Variants in CSMD1 observed in about 807,000 individuals in gnomAD.
The protein encoded by CSMD1 is CUB and Sushi multiple domains 1.
Under a neutral mutation model 417.5 loss-of-function variants are expected in CSMD1, and 213 were observed. That is an observed-to-expected ratio of 0.51 (90% CI 0.46 to 0.57). CSMD1 has a LOEUF of 0.57. CSMD1 is among the 20% of genes least tolerant of loss of function. CSMD1 has a pLI of 0.00. For synonymous variants in CSMD1, 2,862 were observed against 1,736.8 expected (o/e 1.65, Z -16.11); for missense variants, 6,923 against 4,529.7 (o/e 1.53, Z -15.17).
At chr8:3,768,558 C>G (rs555612407) in intron 5 of CSMD1, among the ~76,000 whole-genome samples, 1 of 152,250 alleles carries the variant, frequency 6.6e-6, no homozygotes, top group Non-Finnish European at 1.5e-5. Context: ...TCAGACACTG[C>G]TAAACAGAAA....
chr8:4,819,855 G>A (rs1799419889), intron 1 of CSMD1, among the ~76,000 whole-genome samples: 1 of 152,128 alleles, frequency 6.6e-6, no homozygotes, highest in South Asian at 2.1e-4. Flanking sequence ...CGAGTGTAGG[G>A]AACCCTTCTC....
intron 1 of CSMD1, among the ~76,000 whole-genome samples, chr8:4,831,440 G>A (rs970142882): frequency 6.6e-6 from 1 of 152,130 alleles, no homozygotes; most frequent in African/African-American, 2.4e-5. Context: ...TATGCATTAT[G>A]GAGTACATTC....
At chr8:3,788,939 G>A (rs1469981337) in intron 5 of CSMD1, among the ~76,000 whole-genome samples, 3 of 152,196 alleles carry the variant, frequency 2.0e-5, no homozygotes, top group Non-Finnish European at 2.9e-5. Flanking sequence ...GTATTTCCTA[G>A]ACAGTATTGT....
chr8:4,285,882 GA>G (rs1421556505), intron 3 of CSMD1, among the ~76,000 whole-genome samples: 3 of 152,104 alleles, frequency 2.0e-5, no homozygotes, highest in Non-Finnish European at 2.9e-5. Flanking sequence ...TTCCAGCCTG[GA>G]AAGTAATCCA....
chr8:4,396,837 T>G (rs1358376352), intron 3 of CSMD1, among the ~76,000 whole-genome samples: 2 of 151,960 alleles, frequency 1.3e-5, no homozygotes, highest in African/African-American at 4.8e-5. Flanking sequence ...GCTATGAGCA[T>G]GAAAAGGCAT....
At position 3,126,526 on chromosome 8, in the gene CSMD1, T is replaced by C. The variant is rs564431508; in HGVS notation, c.6242-7939A>G. On this transcript the variant is annotated intron_variant, in intron 41 of 69. Transcript: ENST00000635120. Reference sequence around the variant, plus strand: ...GCTTCCCTATCAATGAAAAGATCCATCTGGGGTCTCAGTAGCATGTCAGCC... The same window carrying C: ...GCTTCCCTATCAATGAAAAGATCCACCTGGGGTCTCAGTAGCATGTCAGCC... Among the ~76,000 whole-genome samples, 8 of 152,270 alleles carry C rather than the reference T, an allele frequency of 5.3e-5. No homozygotes were observed. The South Asian group carries it at 1.2e-3, about 24-fold the overall frequency.
At chr8:3,664,463 C>G (rs968451941) in intron 7 of CSMD1, among the ~76,000 whole-genome samples, 1 of 152,186 alleles carries the variant, frequency 6.6e-6, no homozygotes, top group African/African-American at 2.4e-5. Context: ...GCTCAGAAAG[C>G]ATAGGCAGCT....
At position 4,758,814 on chromosome 8, in the gene CSMD1, T is replaced by C. The variant is rs1017011688; in HGVS notation, c.86-121256A>G. On this transcript the variant is annotated intron_variant, in intron 1 of 69. Transcript: ENST00000635120. ...AGCATGGGAGAACCTTCCCCCATAA[T>C]CCAACCACCTCCCACCAGGTCTCTC... Among the ~76,000 whole-genome samples the C allele has an allele frequency of 8.0e-4, 122 of 152,236 alleles. 1 individual carries two copies. The highest frequency in any genetic ancestry group is 2.9e-3 in the African/African-American group (119 of 41,550).
chr8:4,396,973 C>G (rs1459315042), intron 3 of CSMD1, among the ~76,000 whole-genome samples: 2 of 151,938 alleles, frequency 1.3e-5, no homozygotes, highest in Non-Finnish European at 2.9e-5. Context: ...TCAGAAATCA[C>G]TAAAGGACCT....
intron 10 of CSMD1, among the ~76,000 whole-genome samples, chr8:3,524,130 T>TAC (rs758122843): frequency 1.6e-5 from 2 of 125,954 alleles, no homozygotes; most frequent in South Asian, 2.7e-4. Context: ...TGCACATACA[T>TAC]ACACACACAC....
At chr8:3,855,796 T>C (rs923517252) in intron 5 of CSMD1, among the ~76,000 whole-genome samples, 1 of 152,218 alleles carries the variant, frequency 6.6e-6, no homozygotes, top group African/African-American at 2.4e-5. Context: ...AAGCTTTCTG[T>C]AGAATTTTTA....
intron 7 of CSMD1, among the ~76,000 whole-genome samples, chr8:3,706,789 T>C (rs1801193362): frequency 6.6e-6 from 1 of 152,208 alleles, no homozygotes; most frequent in African/African-American, 2.4e-5. Flanking sequence ...GTAAATACTA[T>C]ATCTCCCTCT....
At chr8:3,045,181 T>C (rs1395913247) in intron 50 of CSMD1, among the ~76,000 whole-genome samples, 1 of 152,198 alleles carries the variant, frequency 6.6e-6, no homozygotes, top group Admixed American at 6.5e-5. Context: ...GGATTTCCAT[T>C]TTATTATAAA....
At chr8:4,485,856 C>T (rs949482888) in intron 2 of CSMD1, among the ~76,000 whole-genome samples, 1 of 151,644 alleles carries the variant, frequency 6.6e-6, no homozygotes, top group African/African-American at 2.4e-5. Context: ...GTCAAAAACC[C>T]CATTATGGTG....
intron 3 of CSMD1, among the ~76,000 whole-genome samples, chr8:4,099,330 T>C (rs906350338): frequency 6.6e-6 from 1 of 152,072 alleles, no homozygotes; most frequent in Non-Finnish European, 1.5e-5. Flanking sequence ...ATACTCACTT[T>C]CTCCCATTTT....
At chr8:4,812,660 C>A (rs984502946) in intron 1 of CSMD1, among the ~76,000 whole-genome samples, 1 of 152,056 alleles carries the variant, frequency 6.6e-6, no homozygotes, top group African/African-American at 2.4e-5. Flanking sequence ...TTCTTATTCT[C>A]TATAATTTAG....
chr8:3,905,158 A>C (rs1015398593), intron 5 of CSMD1, among the ~76,000 whole-genome samples: 1 of 152,204 alleles, frequency 6.6e-6, no homozygotes, highest in East Asian at 1.9e-4. Context: ...TTAAAGAATG[A>C]TTAATAACAG....
chr8:4,712,782 C>T (rs573575249), intron 1 of CSMD1, among the ~76,000 whole-genome samples: 2 of 152,142 alleles, frequency 1.3e-5, no homozygotes, highest in East Asian at 3.9e-4. Flanking sequence ...GGACCACTGC[C>T]TGTTGGTTTC....
intron 11 of CSMD1, among the ~76,000 whole-genome samples, chr8:3,492,118 G>T (rs2117295266): frequency 6.6e-6 from 1 of 152,280 alleles, no homozygotes; most frequent in African/African-American, 2.4e-5. Context: ...GCGTGTGTCT[G>T]AACTACTTAA....
Sources: allele counts gnomAD v4.1 joint callset (sites outside exome capture counted in the v4.1 genomes callset), GRCh38; gene constraint gnomAD v4.1.1; transcripts MANE v1.5; gene names NCBI Gene and HGNC (gene_info 2026-07-23, HGNC 2026-07-21).